FAM229B: variants seen among roughly 807,000 people sequenced by gnomAD.
FAM229B encodes family with sequence similarity 229 member B.
FAM229B carries 2 observed loss-of-function variants against 6.7 expected under a neutral mutation model. The observed-to-expected ratio is 0.30, with a 90% CI of 0.12 to 0.94. The LOEUF (loss-of-function observed/expected upper bound fraction) is 0.94. FAM229B is among the 40% of genes least tolerant of loss of function. The pLI is 0.54. For missense variants in FAM229B, 93 were observed against 96.2 expected, an observed-to-expected ratio of 0.97 and a Z score of 0.14; for synonymous variants, 29 against 34.0, an observed-to-expected ratio of 0.85 and a Z score of 0.51.
At chr6:112,090,728 T>C (rs1368456298) in intron 1 of FAM229B, among the ~76,000 whole-genome samples, 1 of 152,182 alleles carries the variant, frequency 6.6e-6, no homozygotes, top group African/African-American at 2.4e-5. Flanking sequence ...ATTTGTTTGA[T>C]TTTAAATTGA....
intron 1 of FAM229B, among the ~76,000 whole-genome samples, chr6:112,096,324 A>G (rs1401769469): frequency 1.3e-5 from 2 of 152,156 alleles, no homozygotes; most frequent in Non-Finnish European, 2.9e-5. Flanking sequence ...TGGGAGGCCG[A>G]GGCGGGCGGA....
intron 2 of FAM229B, 132 bp from the exon 3 acceptor site, chr6:112,099,138 C>A: frequency 1.3e-6 from 1 of 780,778 alleles, no homozygotes; most frequent in Non-Finnish European, 2.0e-6. Context: ...CCATTGCACT[C>A]CAGCCTGGCC....
chr6:112,087,815 G>A (rs1777197188), intron 1 of FAM229B, 95 bp downstream of exon 1: 1 of 235,472 alleles, frequency 4.2e-6, no homozygotes, highest in East Asian at 8.6e-5. Context: ...CTCAACACCC[G>A]GGGCGGTGGA....
intron 1 of FAM229B, among the ~76,000 whole-genome samples, chr6:112,094,373 G>A (rs1202905107): frequency 6.6e-6 from 1 of 152,100 alleles, no homozygotes; most frequent in Non-Finnish European, 1.5e-5. Context: ...CTGTGCTTAT[G>A]TCTCAGACTC....
chr6:112,093,097 A>T (rs1360066084), intron 1 of FAM229B, among the ~76,000 whole-genome samples: 3 of 151,910 alleles, frequency 2.0e-5, no homozygotes, highest in African/African-American at 7.2e-5. Context: ...TTCAAGATAG[A>T]GGTCATCACA....
intron 1 of FAM229B, among the ~76,000 whole-genome samples, chr6:112,093,083 T>A (rs1295897038): frequency 6.6e-6 from 1 of 151,876 alleles, no homozygotes; most frequent in African/African-American, 2.4e-5. Context: ...AAAAATACCC[T>A]AATTTCAAGA....
intron 1 of FAM229B, among the ~76,000 whole-genome samples, chr6:112,090,295 T>C (rs1258172598): frequency 2.0e-5 from 3 of 152,232 alleles, no homozygotes; most frequent in Non-Finnish European, 4.4e-5. Context: ...TGACATGTTA[T>C]TGTTTTCCAG....
intron 1 of FAM229B, among the ~76,000 whole-genome samples, chr6:112,094,242 G>C (rs1485653221): frequency 1.3e-5 from 2 of 152,026 alleles, no homozygotes; most frequent in Admixed American, 6.6e-5. Flanking sequence ...ATAGAAAATA[G>C]AGAAAAATCA....
At chr6:112,097,908 G>A (rs1777347903) in intron 2 of FAM229B, among the ~76,000 whole-genome samples, 1 of 152,162 alleles carries the variant, frequency 6.6e-6, no homozygotes, top group African/African-American at 2.4e-5. Flanking sequence ...AAAAAATGAG[G>A]GTAGTGTTTC....
intron 1 of FAM229B, among the ~76,000 whole-genome samples, chr6:112,091,601 T>C (rs764630824): frequency 1.2e-4 from 19 of 152,084 alleles, no homozygotes; most frequent in Non-Finnish European, 2.5e-4. Flanking sequence ...TGTTTCCAAA[T>C]AGCTGTGTCC....
At chr6:112,093,014 G>A (rs150898376) in intron 1 of FAM229B, among the ~76,000 whole-genome samples, 85 of 151,864 alleles carry the variant, frequency 5.6e-4, no homozygotes, top group Middle Eastern at 3.4e-3. Flanking sequence ...AGTACAAAAA[G>A]CAAGATGGCA....
rs1777258810 is a variant in FAM229B at position 112,091,666 on chromosome 6, T to TA, written c.-176+3950dup. ...ATAAAAATAAAATTGTTTAGCAATG[T>TA]AAAATCACAATGCCTGGCACCCAAG... On this transcript the variant is annotated intron_variant, in intron 1 of 3. Transcript: ENST00000368656. 2.0e-5 allele frequency among the ~76,000 whole-genome samples: 3 copies of TA among 152,132 alleles called. No individual in the cohort carries two copies. In the South Asian group the frequency reaches 6.2e-4, roughly 31 times the overall value.
intron 1 of FAM229B, among the ~76,000 whole-genome samples, chr6:112,096,836 G>A (rs1265183808): frequency 2.0e-5 from 3 of 152,096 alleles, no homozygotes; most frequent in East Asian, 1.9e-4. Flanking sequence ...GAGGAAAACA[G>A]GATATAAAAT....
At chr6:112,089,950 G>A (rs782336927) in intron 1 of FAM229B, among the ~76,000 whole-genome samples, 4 of 152,118 alleles carry the variant, frequency 2.6e-5, no homozygotes, top group Non-Finnish European at 4.4e-5. Flanking sequence ...ACCAAGACAT[G>A]CAGCCTCATT....
chr6:112,090,234 G>A (rs1040067329), intron 1 of FAM229B, among the ~76,000 whole-genome samples: 17 of 152,092 alleles, frequency 1.1e-4, no homozygotes, highest in African/African-American at 1.4e-4. Flanking sequence ...CTTGCACACC[G>A]CCATTTCTGA....
chr6:112,099,064 C>A (rs1406603987), intron 2 of FAM229B, among the ~76,000 whole-genome samples: 1 of 152,166 alleles, frequency 6.6e-6, no homozygotes, highest in Non-Finnish European at 1.5e-5. Flanking sequence ...GAGGCTGAGG[C>A]AGGAGGATCA....
intron 1 of FAM229B, among the ~76,000 whole-genome samples, chr6:112,095,993 G>C (rs6939901): frequency 0.019 from 2,950 of 152,282 alleles, 99 homozygotes; most frequent in African/African-American, 0.067. Flanking sequence ...TCTATAACTT[G>C]AGTCATATGA....
intron 1 of FAM229B, among the ~76,000 whole-genome samples, chr6:112,091,614 GA>G (rs1777258142): frequency 6.6e-6 from 1 of 151,978 alleles, no homozygotes; most frequent in Non-Finnish European, 1.5e-5. Flanking sequence ...CTGTGTCCCA[GA>G]ACAAAACTTA....
chr6:112,099,183 A>G (rs75237599), intron 2 of FAM229B, 87 bp from the exon 3 acceptor site: 37,278 of 1,183,542 alleles, frequency 0.031, 771 homozygotes, highest in Non-Finnish European at 0.038. Flanking sequence ...AAAACATTCC[A>G]TGCAAGTCTT....
Sources: gnomAD v4.1 joint callset for allele counts (sites outside exome capture counted in the v4.1 genomes callset) on GRCh38, gnomAD v4.1.1 for gene constraint, MANE v1.5 for transcripts, NCBI Gene and HGNC (gene_info 2026-07-23, HGNC 2026-07-21) for gene names.